PSD3: variants seen among roughly 807,000 people sequenced by gnomAD.
PSD3 encodes the protein PH and SEC7 domain-containing protein 3.
PSD3 carries 49 observed loss-of-function variants against 105.5 expected under a neutral mutation model. That is an observed-to-expected ratio of 0.46 (90% CI 0.37 to 0.59). The LOEUF is 0.59. PSD3 is among the 20% of genes least tolerant of loss of function. The pLI, the probability that PSD3 is intolerant of heterozygous loss-of-function variation, is 0.00. For synonymous variants in PSD3, 557 were observed against 457.8 expected (o/e 1.22, Z -2.77); for missense variants, 1,561 against 1,263.8 (o/e 1.24, Z -3.57).
chr8:18,616,919 G>A (rs1002630117), intron 11 of PSD3, among the ~76,000 whole-genome samples: 7 of 151,908 alleles, frequency 4.6e-5, no homozygotes, highest in African/African-American at 1.5e-4. Context: ...CACCGCGCCC[G>A]GCCATCTTCC....
chr8:18,986,509 C>T (rs1825502168), intron 1 of PSD3, among the ~76,000 whole-genome samples: 1 of 150,160 alleles, frequency 6.7e-6, no homozygotes, highest in South Asian at 2.1e-4. Context: ...TGCTTCACTA[C>T]ACATTCTCAG....
In PSD3 at chr8:18,802,509, C is replaced by T. The variant is rs537183648; in HGVS notation, c.1911-1127G>A. Among the ~76,000 whole-genome samples the T allele has an allele frequency of 1.1e-4, 16 of 152,270 alleles. 1 individual carries two copies. Among genetic ancestry groups the T allele is most frequent in the Middle Eastern group, 3.4e-3 (1 of 294 alleles). On this transcript the variant is annotated intron_variant, in intron 6 of 15. Transcript: ENST00000327040. ...ATTAACAAACTATATATTGACAAAA[C>T]TTTAATTTTTCATAACTTTAATAAA...
At chr8:18,752,554 AAT>A (rs1563225368) in intron 9 of PSD3, among the ~76,000 whole-genome samples, 817 of 19,680 alleles carry the variant, frequency 0.042, 43 homozygotes, top group African/African-American at 0.094. Context: ...TATTATATAT[AAT>A]TATATATATT....
intron 8 of PSD3, among the ~76,000 whole-genome samples, chr8:18,767,318 G>A (rs1982800): frequency 0.43 from 66,019 of 152,130 alleles, 17,361 homozygotes; most frequent in Non-Finnish European, 0.59. Flanking sequence ...TAGCTGTGGA[G>A]GATTTTTAGG....
At chr8:18,861,530 A>C (rs914912367) in intron 4 of PSD3, among the ~76,000 whole-genome samples, 2 of 152,014 alleles carry the variant, frequency 1.3e-5, no homozygotes, top group African/African-American at 4.8e-5. Context: ...ATATCTGATC[A>C]CACTAGGTGT....
At chr8:18,539,010 TA>T (rs145858259) in intron 15 of PSD3, among the ~76,000 whole-genome samples, 2 of 152,130 alleles carry the variant, frequency 1.3e-5, no homozygotes, top group African/African-American at 4.8e-5. Context: ...ATTTCTGACT[TA>T]AAAAAGGCTT....
chr8:18,711,779 C>A (rs57203528), intron 9 of PSD3, among the ~76,000 whole-genome samples: 13,520 of 152,160 alleles, frequency 0.089, 1,111 homozygotes, highest in East Asian at 0.22. Context: ...ATCAAGCAGA[C>A]CTGACAGGTA....
chr8:18,579,816 G>A (rs1802692611), intron 12 of PSD3, among the ~76,000 whole-genome samples: 2 of 152,084 alleles, frequency 1.3e-5, no homozygotes, highest in African/African-American at 2.4e-5. Flanking sequence ...AAAGACTCCA[G>A]TTTTCAATGT....
At chr8:18,882,868 C>T (rs551835076) in intron 2 of PSD3, among the ~76,000 whole-genome samples, 18 of 151,834 alleles carry the variant, frequency 1.2e-4, no homozygotes, top group African/African-American at 2.9e-4. Context: ...CACACACGCA[C>T]GCACACACAC....
chr8:18,782,097 T>A (rs868633168), intron 8 of PSD3, among the ~76,000 whole-genome samples: 25 of 152,260 alleles, frequency 1.6e-4, no homozygotes, highest in Non-Finnish European at 3.1e-4. Flanking sequence ...TTCTTTGCAT[T>A]GTTCATCTGT....
At chr8:18,581,652 A>G (rs1802825991) in intron 12 of PSD3, among the ~76,000 whole-genome samples, 1 of 152,120 alleles carries the variant, frequency 6.6e-6, no homozygotes, top group African/African-American at 2.4e-5. Context: ...ACCTTCACCT[A>G]TACACTTGGT....
chr8:18,972,419 G>C (rs941217523), intron 1 of PSD3, among the ~76,000 whole-genome samples: 2 of 152,152 alleles, frequency 1.3e-5, no homozygotes, highest in Non-Finnish European at 2.9e-5. Context: ...GTTATCACAG[G>C]GTCAGATTTT....
chr8:18,576,259 T>G (rs1257047644), intron 12 of PSD3, among the ~76,000 whole-genome samples: 1 of 152,158 alleles, frequency 6.6e-6, no homozygotes, highest in Non-Finnish European at 1.5e-5. Context: ...AGGCAAAGGT[T>G]TTCCCTCTAC....
chr8:18,842,731 T>TAA lies in PSD3; in HGVS notation c.1634+24941_1634+24942dup, dbSNP rs144604228. On this transcript the variant is annotated intron_variant, in intron 4 of 15. Transcript: ENST00000327040. ...CTGGGCGACAAAGCGAGACTCCGTCTAAAAAAAAAAAAATTGTATGGCTTT... is the reference window on the plus strand; with the variant it reads ...CTGGGCGACAAAGCGAGACTCCGTCTAAAAAAAAAAAAAAATTGTATGGCTTT... Among the ~76,000 whole-genome samples, 93 of 147,588 alleles carry TAA rather than the reference T, an allele frequency of 6.3e-4. 1 individual carries two copies. Among genetic ancestry groups the TAA allele is most frequent in the Middle Eastern group, 3.5e-3 (1 of 286 alleles).
chr8:18,885,134 T>C (rs1311172128), intron 2 of PSD3, among the ~76,000 whole-genome samples: 3 of 152,216 alleles, frequency 2.0e-5, no homozygotes, highest in African/African-American at 7.2e-5. Flanking sequence ...TATCCACATC[T>C]TGTGCTTCTC....
chr8:19,062,635 C>T (rs1056611843), intron 1 of PSD3, among the ~76,000 whole-genome samples: 3 of 152,260 alleles, frequency 2.0e-5, no homozygotes, highest in African/African-American at 7.2e-5. Context: ...GTATTATTTT[C>T]TATAAGTAAA....
At chr8:18,977,189 G>T (rs1461268927) in intron 1 of PSD3, among the ~76,000 whole-genome samples, 6 of 150,974 alleles carry the variant, frequency 4.0e-5, no homozygotes, top group African/African-American at 9.8e-5. Flanking sequence ...GAACACAGAA[G>T]GCGGAGGTTG....
At chr8:18,745,355 T>C (rs1804922410) in intron 9 of PSD3, among the ~76,000 whole-genome samples, 1 of 152,212 alleles carries the variant, frequency 6.6e-6, no homozygotes, top group Admixed American at 6.5e-5. Context: ...ACCTGTCCCT[T>C]CTCCACAATT....
chr8:18,579,373 T>C (rs1224667614), intron 12 of PSD3, among the ~76,000 whole-genome samples: 1 of 152,106 alleles, frequency 6.6e-6, no homozygotes. Context: ...ATAAATCCAA[T>C]CAAGAAATTT....
Sources: allele counts gnomAD v4.1 joint callset (sites outside exome capture counted in the v4.1 genomes callset), GRCh38; gene constraint gnomAD v4.1.1; transcripts MANE v1.5; gene names NCBI Gene and HGNC (gene_info 2026-07-23, HGNC 2026-07-21).